Variants in SS18 observed in about 807,000 individuals in gnomAD.
The protein encoded by SS18 is SS18 subunit of BAF chromatin remodeling complex.
A neutral mutation model predicts 72.5 loss-of-function variants in SS18; 28 were observed. The observed-to-expected ratio is 0.39, with a 90% CI of 0.29 to 0.53. SS18 has a LOEUF of 0.53. Ranked by LOEUF, SS18 falls within the 20% of genes least tolerant of loss-of-function variation. The pLI is 0.76. For missense variants in SS18, 518 were observed against 535.3 expected, an observed-to-expected ratio of 0.97 and a Z score of 0.32; for synonymous variants, 172 against 164.2, an observed-to-expected ratio of 1.05 and a Z score of -0.37.
intron 10 of SS18, among the ~76,000 whole-genome samples, chr18:26,020,803 T>G (rs2053335480): frequency 6.6e-6 from 1 of 151,896 alleles, no homozygotes; most frequent in Non-Finnish European, 1.5e-5. Flanking sequence ...AAGATCTGAA[T>G]AGCAGAAAAG....
intron 3 of SS18, among the ~76,000 whole-genome samples, chr18:26,057,971 T>C (rs1385057167): frequency 6.6e-6 from 1 of 152,196 alleles, no homozygotes; most frequent in Non-Finnish European, 1.5e-5. Flanking sequence ...TAACATTCTA[T>C]ACAAAAAATT....
chr18:26,073,163 A>G (rs915460072), intron 3 of SS18, among the ~76,000 whole-genome samples: 4 of 152,234 alleles, frequency 2.6e-5, no homozygotes, highest in Non-Finnish European at 4.4e-5. Flanking sequence ...AATGCAATAA[A>G]GCCAGAAATC....
At chr18:26,036,547 G>A (rs943591245) in intron 7 of SS18, among the ~76,000 whole-genome samples, 1 of 152,024 alleles carries the variant, frequency 6.6e-6, no homozygotes, top group Admixed American at 6.6e-5. Context: ...ATATTGTGTT[G>A]ACAGAGTATA....
At chr18:26,088,884 A>G (rs534534254) in intron 1 of SS18, among the ~76,000 whole-genome samples, 9 of 131,970 alleles carry the variant, frequency 6.8e-5, no homozygotes, top group South Asian at 2.2e-4. Context: ...TTACTGGGGG[A>G]AAAAAAAAAC....
At chr18:26,050,193 C>T (rs913373776) in intron 5 of SS18, among the ~76,000 whole-genome samples, 3 of 151,484 alleles carry the variant, frequency 2.0e-5, no homozygotes, top group African/African-American at 7.3e-5. Flanking sequence ...CGAGACTGCA[C>T]TTCTGCACTC....
chr18:26,044,177 A>AT, intron 5 of SS18, among the ~76,000 whole-genome samples: 1 of 152,274 alleles, frequency 6.6e-6, no homozygotes, highest in South Asian at 2.1e-4. Context: ...TTAAACACAT[A>AT]TTTTTTAAAA....
chr18:26,036,839 G>A (rs1354672246), intron 7 of SS18, among the ~76,000 whole-genome samples: 3 of 152,168 alleles, frequency 2.0e-5, no homozygotes, highest in Admixed American at 6.5e-5. Context: ...GTCTTAATAT[G>A]GCCAGTGGCA....
intron 4 of SS18, among the ~76,000 whole-genome samples, chr18:26,055,361 G>A (rs2053998855): frequency 6.6e-6 from 1 of 151,898 alleles, no homozygotes; most frequent in Non-Finnish European, 1.5e-5. Flanking sequence ...CAGCTACTCG[G>A]GAGGATGAGG....
upstream of SS18, chr18:26,091,181 C>T (rs558133660): frequency 1.2e-4 from 18 of 153,024 alleles, no homozygotes; most frequent in African/African-American, 4.1e-4. Flanking sequence ...CGTGCAAATC[C>T]GTGGAGCATC....
At chr18:26,019,565 C>T (rs2053308052) in intron 10 of SS18, among the ~76,000 whole-genome samples, 1 of 152,012 alleles carries the variant, frequency 6.6e-6, no homozygotes, top group Non-Finnish European at 1.5e-5. Flanking sequence ...AATCCCAGCA[C>T]TTTGGGAGGC....
intron 3 of SS18, among the ~76,000 whole-genome samples, chr18:26,067,825 A>AC (rs2054246604): frequency 6.6e-6 from 1 of 152,168 alleles, no homozygotes; most frequent in Non-Finnish European, 1.5e-5. Flanking sequence ...CCTTTTTGGC[A>AC]CCAGGGACTG....
chr18:26,082,620 T>C (rs1305509604), intron 2 of SS18: 1 of 566,962 alleles, frequency 1.8e-6, no homozygotes, highest in African/African-American at 2.0e-5. Context: ...AGTAACACAT[T>C]CTCACGTGTG....
At chr18:26,065,575 T>C (rs1255380395) in intron 3 of SS18, among the ~76,000 whole-genome samples, 3 of 151,860 alleles carry the variant, frequency 2.0e-5, no homozygotes, top group African/African-American at 7.2e-5. Context: ...AAAATATACA[T>C]GTATCTTCAT....
chr18:26,074,331 C>A (rs73403580), intron 3 of SS18, among the ~76,000 whole-genome samples: 22 of 150,612 alleles, frequency 1.5e-4, no homozygotes, highest in African/African-American at 4.9e-4. Context: ...AAAAAACTTA[C>A]TGAGTTCTGC....
intron 5 of SS18, among the ~76,000 whole-genome samples, chr18:26,040,637 G>C (rs2053706654): frequency 6.6e-6 from 1 of 152,150 alleles, no homozygotes. Flanking sequence ...ACTTACAACA[G>C]CAGCAATGAT....
chr18:26,089,520 T>C (rs1270074976), intron 1 of SS18, among the ~76,000 whole-genome samples: 1 of 152,276 alleles, frequency 6.6e-6, no homozygotes, highest in African/African-American at 2.4e-5. Context: ...TTTTCTATTT[T>C]GATCTTTGCT....
At chr18:26,037,485 C>G (rs1047608280) in intron 7 of SS18, among the ~76,000 whole-genome samples, 1 of 152,004 alleles carries the variant, frequency 6.6e-6, no homozygotes, top group Non-Finnish European at 1.5e-5. Flanking sequence ...AATCTTAATA[C>G]CATGTTTACA....
chr18:26,060,592 A>G (rs1472464528), intron 3 of SS18, among the ~76,000 whole-genome samples: 2 of 151,724 alleles, frequency 1.3e-5, no homozygotes, highest in Non-Finnish European at 2.9e-5. Context: ...ACCAAGAGAA[A>G]TAACAGAAAA....
rs2053837021 is a variant in SS18 at position 26,047,106 on chromosome 18, A to G, written c.607+5518T>C. Among the ~76,000 whole-genome samples the G allele has an allele frequency of 2.0e-5, 3 of 152,274 alleles. No individual in the cohort carries two copies. In the South Asian group the frequency reaches 6.2e-4, roughly 32 times the overall value. On this transcript the variant is annotated intron_variant, in intron 5 of 10. Coordinates refer to ENST00000415083, the MANE Select transcript of SS18 (RefSeq NM_001007559.3). ...CCATAGGATGTCTGTTTCCTCATGC[A>G]CAGAATGATAGTAATAGTACCTTAC...
Sources: allele counts gnomAD v4.1 joint callset (sites outside exome capture counted in the v4.1 genomes callset), GRCh38; gene constraint gnomAD v4.1.1; transcripts MANE v1.5; gene names NCBI Gene and HGNC (gene_info 2026-07-23, HGNC 2026-07-21).